The following EFCAB13 variants were observed in gnomAD, a reference collection of about 807,000 sequenced individuals.
The protein encoded by EFCAB13 is EF-hand calcium-binding domain-containing protein 13.
A neutral mutation model predicts 110.2 loss-of-function variants in EFCAB13; 91 were observed. That is an observed-to-expected ratio of 0.83 (90% CI 0.70 to 0.98). The LOEUF (loss-of-function observed/expected upper bound fraction) is 0.98, where lower values mean the gene tolerates loss of function less well. Among genes scored for constraint, EFCAB13 ranks in the 50% least tolerant of loss-of-function variants. The pLI, the probability that EFCAB13 is intolerant of heterozygous loss-of-function variation, is 0.00. For synonymous variants in EFCAB13, 323 were observed against 369.9 expected (o/e 0.87, Z 1.45); for missense variants, 968 against 1,119.4 (o/e 0.86, Z 1.93).
In EFCAB13 at chr17:47,395,843, A is replaced by T. The variant is rs868693776; in HGVS notation, c.1811A>T (p.Asp604Val). 11 of 1,607,258 alleles carry T rather than the reference A, an allele frequency of 6.8e-6. No homozygotes were observed. The Middle Eastern group carries it at 1.5e-3, about 218-fold the overall frequency. The change falls in exon 17 of 25, where the codon GAT becomes GTT. Residue 604 changes from aspartate to valine, a missense_variant. Coordinates refer to ENST00000331493, the MANE Select transcript of EFCAB13 (RefSeq NM_152347.5). ...ECFSEKLVLPDAIETLDDLRK... is the reference protein window; with the variant it reads ...ECFSEKLVLPVAIETLDDLRK... The stretch of plus-strand genomic sequence containing the variant: ...TTTATCTACCCTTTAGTATTGCCTG[A>T]TGCTATTGAAACCCTCGACGATCTC...
chr17:47,353,345 A>C (rs1265987976), intron 9 of EFCAB13, among the ~76,000 whole-genome samples: 1 of 151,588 alleles, frequency 6.6e-6, no homozygotes, highest in Non-Finnish European at 1.5e-5. Flanking sequence ...TGCAGGCTGG[A>C]GTGCAGTGAC....
At chr17:47,386,470 A>G (rs1481448878) in intron 14 of EFCAB13, among the ~76,000 whole-genome samples, 1 of 152,132 alleles carries the variant, frequency 6.6e-6, no homozygotes, top group African/African-American at 2.4e-5. Context: ...CAGTAATGGC[A>G]GATGCCCTTC....
At chr17:47,413,063 C>T in intron 22 of EFCAB13, 147 bp downstream of exon 22, 1 of 670,298 alleles carries the variant, frequency 1.5e-6, no homozygotes, top group East Asian at 2.8e-5. Flanking sequence ...CCAAACCACT[C>T]TACTAATTTA....
chr17:47,372,519 C>T (rs2065590636), intron 11 of EFCAB13, among the ~76,000 whole-genome samples: 1 of 152,184 alleles, frequency 6.6e-6, no homozygotes, highest in African/African-American at 2.4e-5. Flanking sequence ...CTGACTTTGA[C>T]TGTGTACTTA....
At chr17:47,439,951 G>A (rs1462766169) in intron 24 of EFCAB13, among the ~76,000 whole-genome samples, 1 of 150,628 alleles carries the variant, frequency 6.6e-6, no homozygotes, top group African/African-American at 2.4e-5. Context: ...TTTCATTGTT[G>A]TACTGCCGAA....
At chr17:47,348,331 T>G (rs145212597) in intron 9 of EFCAB13, among the ~76,000 whole-genome samples, 9,905 of 152,058 alleles carry the variant, frequency 0.065, 378 homozygotes, top group East Asian at 0.17. Context: ...TAAACTTTCC[T>G]AAGCAACCTA....
intron 23 of EFCAB13, among the ~76,000 whole-genome samples, chr17:47,419,327 T>A (rs753546219): frequency 3.3e-5 from 5 of 152,134 alleles, no homozygotes; most frequent in African/African-American, 4.8e-5. Flanking sequence ...GTGGCTTATG[T>A]CTATAAGCAC....
intron 17 of EFCAB13, among the ~76,000 whole-genome samples, chr17:47,400,924 G>A (rs2065775515): frequency 6.6e-6 from 1 of 152,132 alleles, no homozygotes; most frequent in African/African-American, 2.4e-5. Context: ...GTTGACTGAT[G>A]TGAAGCTAGT....
At position 47,374,598 on chromosome 17, in the gene EFCAB13, C is replaced by A. The variant is rs2065603546; in HGVS notation, c.1004C>A (p.Ser335Tyr). ...LSSKLPEPSI[S>Y]KKLNKKSNQY... ...TCCAAACTCCCTGAACCTTCAATAT[C>A]CAAAAAGTTAAATAAAAAAAGCAAC... The change falls in exon 12 of 25, where the codon TCC becomes TAC. Residue 335 changes from serine to tyrosine, a missense_variant. Coordinates refer to ENST00000331493, the MANE Select transcript of EFCAB13 (RefSeq NM_152347.5). 1 of 1,603,350 alleles carries A rather than the reference C, an allele frequency of 6.2e-7. No homozygotes were observed. The highest frequency in any genetic ancestry group is 2.2e-5 in the East Asian group (1 of 44,776).
At chr17:47,388,534 CA>C (rs1254166670) in intron 14 of EFCAB13, among the ~76,000 whole-genome samples, 1 of 152,146 alleles carries the variant, frequency 6.6e-6, no homozygotes, top group Non-Finnish European at 1.5e-5. Flanking sequence ...ATTTTGGTGA[CA>C]TCACACTTCT....
At chr17:47,375,591 C>T (rs898049232) in intron 12 of EFCAB13, among the ~76,000 whole-genome samples, 3 of 152,048 alleles carry the variant, frequency 2.0e-5, no homozygotes, top group Admixed American at 6.5e-5. Context: ...CCACCACGTC[C>T]GGCCTGCCAC....
chr17:47,392,982 T>A (rs1743120074), intron 15 of EFCAB13, among the ~76,000 whole-genome samples: 1 of 152,090 alleles, frequency 6.6e-6, no homozygotes, highest in Non-Finnish European at 1.5e-5. Flanking sequence ...AACCAACAAC[T>A]CAACAGATAT....
intron 23 of EFCAB13, among the ~76,000 whole-genome samples, chr17:47,419,268 G>A (rs1021724413): frequency 4.6e-5 from 7 of 152,262 alleles, no homozygotes; most frequent in Non-Finnish European, 7.4e-5. Flanking sequence ...CCAGTGAAAA[G>A]TTATACATTA....
chr17:47,378,927 G>C (rs979914524), intron 13 of EFCAB13, among the ~76,000 whole-genome samples: 20 of 152,106 alleles, frequency 1.3e-4, no homozygotes, highest in African/African-American at 4.8e-4. Flanking sequence ...AATAGATATT[G>C]AGAAAGCAAG....
intron 24 of EFCAB13, among the ~76,000 whole-genome samples, chr17:47,437,948 T>C (rs981745884): frequency 6.6e-6 from 1 of 152,212 alleles, no homozygotes; most frequent in Non-Finnish European, 1.5e-5. Context: ...TTAGAGCTCC[T>C]TTTAGCAGTT....
At chr17:47,387,865 T>C (rs990412275) in intron 14 of EFCAB13, among the ~76,000 whole-genome samples, 7 of 152,248 alleles carry the variant, frequency 4.6e-5, no homozygotes, top group Non-Finnish European at 8.8e-5. Context: ...CCTAGATCAC[T>C]GCATCTTTTT....
chr17:47,415,828 T>C (rs1567803946), intron 23 of EFCAB13, among the ~76,000 whole-genome samples: 1 of 152,136 alleles, frequency 6.6e-6, no homozygotes, highest in Non-Finnish European at 1.5e-5. Flanking sequence ...CTATGTTGCC[T>C]AACCACATCA....
chr17:47,333,342 G>A (rs935739144), intron 4 of EFCAB13, among the ~76,000 whole-genome samples: 3 of 151,930 alleles, frequency 2.0e-5, no homozygotes, highest in African/African-American at 4.8e-5. Context: ...ATCCTTTATC[G>A]CCTTAACAGA....
Position 47,323,969 on chromosome 17 carries a change from T to C in EFCAB13, c.-423T>C, listed in dbSNP as rs118099962. ...GGCGGGGCCGCGCGGCGCGGGATCCTGGGAAGGCTGCAGAGCTAGAGCAGC... is the reference window on the plus strand; with the variant it reads ...GGCGGGGCCGCGCGGCGCGGGATCCCGGGAAGGCTGCAGAGCTAGAGCAGC... On this transcript the variant is annotated 5_prime_UTR_variant, in exon 1 of 25. Transcript: ENST00000331493. The C allele has an allele frequency of 0.054, 8,195 of 152,006 alleles. 329 individuals carry two copies. Among genetic ancestry groups the C allele is most frequent in the East Asian group, 0.19 (962 of 5,068 alleles). The allele number at this position is 152,006 out of a possible 1,614,324, so 9.4% of individuals were successfully genotyped here.
Sources: allele counts gnomAD v4.1 joint callset (sites outside exome capture counted in the v4.1 genomes callset), GRCh38; gene constraint gnomAD v4.1.1; transcripts MANE v1.5; gene names NCBI Gene and HGNC (gene_info 2026-07-23, HGNC 2026-07-21).